Variants in IFRD1 observed in about 807,000 individuals in gnomAD.
IFRD1 encodes the protein interferon-related developmental regulator 1.
IFRD1 carries 35 observed loss-of-function variants against 52.9 expected under a neutral mutation model. The observed-to-expected ratio is 0.66, with a 90% CI of 0.51 to 0.88. The LOEUF is 0.88. Among genes scored for constraint, IFRD1 ranks in the 40% least tolerant of loss-of-function variants. IFRD1 has a pLI of 0.00. For missense variants in IFRD1, 517 were observed against 550.8 expected (o/e 0.94, Z 0.61); for synonymous variants, 184 against 188.4 (o/e 0.98, Z 0.19).
intron 1 of IFRD1, among the ~76,000 whole-genome samples, chr7:112,436,319 T>A (rs1437864114): frequency 6.6e-6 from 1 of 152,244 alleles, no homozygotes; most frequent in African/African-American, 2.4e-5. Context: ...GAAAGCTGAC[T>A]GCAACAAATG....
chr7:112,438,299 G>T (rs1245506020), intron 1 of IFRD1, among the ~76,000 whole-genome samples: 1 of 152,188 alleles, frequency 6.6e-6, no homozygotes, highest in East Asian at 1.9e-4. Flanking sequence ...AGTGAAGCTG[G>T]CAAAGTGTAC....
At chr7:112,468,240 C>A (rs2117326574) in intron 9 of IFRD1, 125 bp downstream of exon 9, 1 of 1,058,940 alleles carries the variant, frequency 9.4e-7, no homozygotes, top group Non-Finnish European at 1.4e-6. Flanking sequence ...ATTTTACGAC[C>A]TAGCAGGTTT....
chr7:112,443,638 G>A (rs1459236740), intron 1 of IFRD1, among the ~76,000 whole-genome samples: 1 of 151,934 alleles, frequency 6.6e-6, no homozygotes, highest in Non-Finnish European at 1.5e-5. Flanking sequence ...TTGGGAGGTC[G>A]AGGTGTGTGG....
intron 9 of IFRD1, 26 bp downstream of exon 9, chr7:112,468,141 C>G (rs761914685): frequency 6.2e-6 from 10 of 1,610,240 alleles, no homozygotes; most frequent in Admixed American, 1.7e-5. Flanking sequence ...GCTGTAATAG[C>G]TTCTCATTTT....
chr7:112,444,909 T>A (rs894739984), intron 1 of IFRD1, among the ~76,000 whole-genome samples: 4 of 152,116 alleles, frequency 2.6e-5, no homozygotes, highest in African/African-American at 9.6e-5. Context: ...AATATAACCA[T>A]GTAACAAACC....
At chr7:112,426,498 A>G (rs2117218616) in intron 1 of IFRD1, among the ~76,000 whole-genome samples, 1 of 152,360 alleles carries the variant, frequency 6.6e-6, no homozygotes, top group Admixed American at 6.5e-5. Context: ...GAGACTGGTA[A>G]ATCCAAGATT....
intron 1 of IFRD1, among the ~76,000 whole-genome samples, chr7:112,428,192 G>T (rs900203543): frequency 2.0e-5 from 3 of 152,202 alleles, no homozygotes; most frequent in Admixed American, 6.5e-5. Flanking sequence ...GCAAAGCAAG[G>T]GTGTCAAGAG....
In IFRD1 at chr7:112,460,077, G is replaced by A. The variant is rs148101148; in HGVS notation, c.567+1059G>A. ...ATGCTAGAATGACAGAAAACACTCT[G>A]CTGGGTAGATTTTTGGAGCAGTCAC... On this transcript the variant is annotated intron_variant, in intron 5 of 11. Transcript: ENST00000403825. 7.2e-5 allele frequency among the ~76,000 whole-genome samples: 11 copies of A among 152,220 alleles called. No homozygotes were observed. The South Asian group carries it at 2.3e-3, about 32-fold the overall frequency.
intron 1 of IFRD1, among the ~76,000 whole-genome samples, chr7:112,427,201 C>T (rs1001523002): frequency 7.2e-5 from 11 of 152,180 alleles, no homozygotes; most frequent in South Asian, 2.1e-4. Context: ...CATAACAAAC[C>T]GACTCTCAAG....
At chr7:112,474,990 G>A (rs575528151) in intron 11 of IFRD1, among the ~76,000 whole-genome samples, 5 of 150,640 alleles carry the variant, frequency 3.3e-5, no homozygotes, top group South Asian at 4.2e-4. Context: ...ACGGAGTCTC[G>A]TTCTGTTGCC....
At position 112,428,707 on chromosome 7, in the gene IFRD1, G is replaced by C. The variant is rs1448628377; in HGVS notation, c.-182+5275G>C. On this transcript the variant is annotated intron_variant, in intron 1 of 12. Transcript: ENST00000005558. ...CTTTCCTTGCATGAAGCCATTCAAA[G>C]GCTCTGGGAAGGGCCCTAGCAAATT... 2.0e-5 allele frequency among the ~76,000 whole-genome samples: 3 copies of C among 152,252 alleles called. No individual in the cohort carries two copies. The East Asian group carries it at 5.8e-4, about 29-fold the overall frequency.
chr7:112,428,604 G>T (rs1584461997), intron 1 of IFRD1, among the ~76,000 whole-genome samples: 2 of 152,306 alleles, frequency 1.3e-5, no homozygotes, highest in African/African-American at 4.8e-5. Context: ...CAAGATGAGG[G>T]TGACACTGTT....
chr7:112,464,586 C>T (rs1378427337), intron 8 of IFRD1, among the ~76,000 whole-genome samples: 1 of 152,110 alleles, frequency 6.6e-6, no homozygotes, highest in Non-Finnish European at 1.5e-5. Flanking sequence ...ATGATAGGTA[C>T]AGTGTAAGTG....
rs1584507194 is a variant in IFRD1, at chr7:112,476,042, A to C, written c.*523A>C. The C allele has an allele frequency of 6.5e-6, 1 of 155,010 alleles. No homozygotes were observed. Among genetic ancestry groups the C allele is most frequent in the African/African-American group, 2.4e-5 (1 of 41,468 alleles). The allele number at this position is 155,010 out of a possible 1,614,324, so 9.6% of individuals were successfully genotyped here. ...GACCTTATAGCTGTACTTAAAAGCC[A>C]TTCAGTTCAGCTATTGGGAGTTCAT... On this transcript the variant is annotated 3_prime_UTR_variant, in exon 12 of 12. Coordinates refer to ENST00000403825, the MANE Select transcript of IFRD1 (RefSeq NM_001550.4).
rs150035809 is a variant in IFRD1 at position 112,465,078 on chromosome 7, C to T, written c.906+2700C>T. On this transcript the variant is annotated intron_variant, in intron 8 of 11. Coordinates refer to ENST00000403825, the MANE Select transcript of IFRD1 (RefSeq NM_001550.4). ...AAAGACAGGGTCTCACTCTGTTGCC[C>T]AGGCTGGAGTGCAGTGGCAAGATCA... 4.0e-3 allele frequency among the ~76,000 whole-genome samples: 606 copies of T among 152,264 alleles called. 5 individuals carry two copies. Among genetic ancestry groups the T allele is most frequent in the Non-Finnish European group, 4.7e-3 (318 of 68,018 alleles).
Position 112,450,526 on chromosome 7 carries a change from G to A in IFRD1, c.-163G>A, listed in dbSNP as rs1294118506. 2 of 657,118 alleles carry A rather than the reference G, an allele frequency of 3.0e-6. No homozygotes were observed. The highest frequency in any genetic ancestry group is 5.5e-5 in the East Asian group (2 of 36,508). The allele number at this position is 657,118 out of a possible 1,614,324, so 40.7% of individuals were successfully genotyped here. ...ATCACAGCTCTTCACGGGGATTTCT[G>A]CTGCCGCCACCGCCCACTCTTACCC... On this transcript the variant is annotated 5_prime_UTR_variant, in exon 1 of 12. Coordinates refer to ENST00000403825, the MANE Select transcript of IFRD1 (RefSeq NM_001550.4).
chr7:112,472,224 G>A lies in IFRD1; in HGVS notation c.1047G>A (p.Arg349=), dbSNP rs2074796. 0.24 allele frequency: 383,135 copies of A among 1,612,822 alleles called. 46,889 individuals carry two copies. Among genetic ancestry groups the A allele is most frequent in the African/African-American group, 0.36 (26,917 of 74,876 alleles). The part of the protein sequence containing the change: ...FRDVLRAVEE[R]DFPTETIKFG... ...TTGGTTCTTCCATTGGTTAGGAACG[G>A]GATTTTCCAACAGAAACCATTAAAT... The change falls in exon 10 of 12, where the codon CGG becomes CGA. Residue 349 remains arginine, a synonymous_variant. Coordinates refer to ENST00000403825, the MANE Select transcript of IFRD1 (RefSeq NM_001550.4).
chr7:112,442,891 A>G (rs1794928469), intron 1 of IFRD1, among the ~76,000 whole-genome samples: 1 of 152,236 alleles, frequency 6.6e-6, no homozygotes, highest in Non-Finnish European at 1.5e-5. Flanking sequence ...TGTGAGTTCT[A>G]GCACTGTCAG....
At chr7:112,463,842 ACACATT>A (rs1795529999) in intron 8 of IFRD1, among the ~76,000 whole-genome samples, 1 of 134,792 alleles carries the variant, frequency 7.4e-6, no homozygotes, top group African/African-American at 2.8e-5. Context: ...ACATATATAT[ACACATT>A]TATATACACA....
Sources: allele counts gnomAD v4.1 joint callset (sites outside exome capture counted in the v4.1 genomes callset), GRCh38; gene constraint gnomAD v4.1.1; transcripts MANE v1.5; gene names NCBI Gene and HGNC (gene_info 2026-07-23, HGNC 2026-07-21).